The following WNT7B variants were observed in gnomAD, a reference collection of about 807,000 sequenced individuals.
WNT7B encodes Wnt family member 7B.
In WNT7B, 19 loss-of-function variants were observed where a neutral mutation model predicts 38.2. The ratio of observed to expected loss-of-function variants is 0.50; its 90% CI spans 0.35 to 0.73. The LOEUF (loss-of-function observed/expected upper bound fraction) is 0.73. Among genes scored for constraint, WNT7B ranks in the 30% least tolerant of loss-of-function variants. The pLI is 0.01. For synonymous variants in WNT7B, 243 were observed against 209.3 expected, an observed-to-expected ratio of 1.16 and a Z score of -1.39; for missense variants, 423 against 507.9, an observed-to-expected ratio of 0.83 and a Z score of 1.61.
At chr22:45,924,333 A>G (rs1252048962) in intron 3 of WNT7B, among the ~76,000 whole-genome samples, 2 of 152,194 alleles carry the variant, frequency 1.3e-5, no homozygotes, top group African/African-American at 2.4e-5. Flanking sequence ...GAATGAGTAC[A>G]AGAAAAAGAG....
chr22:45,942,301 T>TG (rs1931669116), intron 2 of WNT7B, among the ~76,000 whole-genome samples: 1 of 152,186 alleles, frequency 6.6e-6, no homozygotes, highest in South Asian at 2.1e-4. Context: ...AGGGCCCAGG[T>TG]GGGGCCCCAC....
chr22:45,954,687 G>T, intron 1 of WNT7B: 1 of 985,358 alleles, frequency 1.0e-6, no homozygotes, highest in Non-Finnish European at 1.2e-6. Flanking sequence ...TTTGTGCCAG[G>T]AGTATAAATA....
At chr22:45,948,333 G>A (rs919755877) in intron 2 of WNT7B, among the ~76,000 whole-genome samples, 49 of 152,310 alleles carry the variant, frequency 3.2e-4, no homozygotes, top group African/African-American at 1.2e-3. Flanking sequence ...ACTGCACTTG[G>A]GTGGTGGGGC....
rs1930977083 is a variant in WNT7B at position 45,923,104 on chromosome 22, G to A, written c.802C>T (p.Leu268=). Residue 268 remains leucine (L), a synonymous_variant, in exon 4 of 4, where the codon CTG becomes TTG. Transcript: ENST00000339464. ...RSYQKPMETD[L]VYIEKSPNYC... The stretch of plus-strand genomic sequence containing the variant: ...TTGGGCGACTTCTCAATGTACACCA[G>A]GTCTGTCTCCATGGGCTTCTGATAG... 3 of 1,613,590 alleles carry A rather than the reference G, an allele frequency of 1.9e-6. No individual in the cohort carries two copies. Among genetic ancestry groups the A allele is most frequent in the South Asian group, 2.2e-5 (2 of 91,096 alleles).
Position 45,977,016 on chromosome 22 carries a change from G to T in WNT7B, c.-262C>A, listed in dbSNP as rs2055406334. Reference sequence around the variant, plus strand: ...CTCGAAGCCCGGTTGAGCGACCGTGGACCCCTGCAAGCGCGGGCCGGGGGC... The same window carrying T: ...CTCGAAGCCCGGTTGAGCGACCGTGTACCCCTGCAAGCGCGGGCCGGGGGC... On this transcript the variant is annotated 5_prime_UTR_variant, in exon 1 of 4. Transcript: ENST00000339464. The T allele has an allele frequency of 2.0e-6, 2 of 985,502 alleles. No individual in the cohort carries two copies. The highest frequency in any genetic ancestry group is 4.7e-5 in the South Asian group (1 of 21,392). The allele number at this position is 985,502 out of a possible 1,614,324, so 61.0% of individuals were successfully genotyped here.
intron 3 of WNT7B, among the ~76,000 whole-genome samples, chr22:45,928,377 G>A (rs1020762034): frequency 2.4e-4 from 37 of 152,320 alleles, no homozygotes; most frequent in African/African-American, 7.9e-4. Context: ...CTCAGACCAC[G>A]CTTGTGCCCC....
At chr22:45,943,624 G>T (rs919690439) in intron 2 of WNT7B, among the ~76,000 whole-genome samples, 1 of 152,224 alleles carries the variant, frequency 6.6e-6, no homozygotes, top group Admixed American at 6.5e-5. Flanking sequence ...TCAGCACCTG[G>T]ATCCTGGCGG....
chr22:45,956,301 A>G (rs927558256), intron 1 of WNT7B, among the ~76,000 whole-genome samples: 1 of 152,226 alleles, frequency 6.6e-6, no homozygotes, highest in African/African-American at 2.4e-5. Flanking sequence ...TGGCGTCCAC[A>G]GCACGGGCCG....
intron 2 of WNT7B, among the ~76,000 whole-genome samples, chr22:45,932,423 C>A (rs1160337568): frequency 1.3e-5 from 2 of 152,132 alleles, no homozygotes; most frequent in Non-Finnish European, 2.9e-5. Flanking sequence ...CAGACCCCCC[C>A]CGCCAGAAGG....
chr22:45,972,116 G>GGGGGGGGGCCCCCCCCCC, intron 1 of WNT7B: 5 of 530,734 alleles, frequency 9.4e-6, no homozygotes, highest in Non-Finnish European at 9.9e-6. Context: ...CCCGGGGGGA[G>GGGGGGGGGCCCCCCCCCC]CCCACCCGCC....
chr22:45,948,908 C>T (rs114223748), intron 2 of WNT7B, among the ~76,000 whole-genome samples: 3,757 of 144,260 alleles, frequency 0.026, 157 homozygotes, highest in African/African-American at 0.09. Context: ...ACAATGGTGC[C>T]ATCTCGGCTC....
At chr22:45,936,470 C>A (rs1178973581) in intron 2 of WNT7B, among the ~76,000 whole-genome samples, 2 of 152,272 alleles carry the variant, frequency 1.3e-5, no homozygotes, top group East Asian at 3.8e-4. Context: ...CCCTGCCCAG[C>A]TGTCCCCTCA....
chr22:45,947,334 T>A (rs1931819848), intron 2 of WNT7B, among the ~76,000 whole-genome samples: 1 of 152,122 alleles, frequency 6.6e-6, no homozygotes, highest in Non-Finnish European at 1.5e-5. Flanking sequence ...CTAGGGCTGG[T>A]GTGGGCAGGA....
Position 45,951,500 on chromosome 22 carries a change from T to TA in WNT7B, c.72-1355dup, listed in dbSNP as rs1240005965. Among the ~76,000 whole-genome samples, 17 of 152,074 alleles carry TA rather than the reference T, an allele frequency of 1.1e-4. No individual in the cohort carries two copies. Among genetic ancestry groups the TA allele is most frequent in the African/African-American group, 3.6e-4 (15 of 41,508 alleles). ...CCTCCAGCACCGTCAGGTTCCCAGA[T>TA]ATTTCTGCCACCCCAGAAGGAAACT... On this transcript the variant is annotated intron_variant, in intron 1 of 3. Transcript: ENST00000339464. The surrounding 1 kb of genome is among the most constrained non-coding windows in gnomAD (Gnocchi z 4.8).
At chr22:45,932,827 G>A (rs766755480) in intron 2 of WNT7B, among the ~76,000 whole-genome samples, 2 of 152,212 alleles carry the variant, frequency 1.3e-5, no homozygotes, top group African/African-American at 4.8e-5. Context: ...GGCAGCTGGA[G>A]ACTCACACTG....
chr22:45,922,871 G>C lies in WNT7B; in HGVS notation c.1035C>G (p.Val345=). The C allele has an allele frequency of 6.3e-7, 1 of 1,597,824 alleles. No homozygotes were observed. The highest frequency in any genetic ancestry group is 1.1e-5 in the South Asian group (1 of 90,572). ...GGGCCTGGCCTCACTTGCAGGTGAA[G>C]ACCTCGGTGCGCTCGCTGCAGGTGT... ...KCNTCSERTE[V]FTCK is the part of the protein sequence containing the mutation. Residue 345 remains valine (V), a synonymous_variant, in exon 4 of 4, where the codon GTC becomes GTG. Transcript: ENST00000339464.
intron 3 of WNT7B, among the ~76,000 whole-genome samples, chr22:45,930,147 G>T (rs141010954): frequency 6.6e-6 from 1 of 152,218 alleles, no homozygotes; most frequent in Non-Finnish European, 1.5e-5. Context: ...AGCCCTCACC[G>T]TCCTGGGTGT....
intron 1 of WNT7B, chr22:45,972,304 C>CGGGGTCCCCGCG (rs1420661960): frequency 3.8e-6 from 2 of 520,802 alleles, no homozygotes; most frequent in African/African-American, 4.1e-5. Flanking sequence ...CAGCTGAGGC[C>CGGGGTCCCCGCG]GGGGTCCCCG....
At chr22:45,948,206 G>A (rs1931842897) in intron 2 of WNT7B, among the ~76,000 whole-genome samples, 1 of 152,234 alleles carries the variant, frequency 6.6e-6, no homozygotes, top group South Asian at 2.1e-4. Flanking sequence ...CCAGCTCAGC[G>A]CTGAGGGGCC....
Sources: allele counts gnomAD v4.1 joint callset (sites outside exome capture counted in the v4.1 genomes callset), GRCh38; gene constraint gnomAD v4.1.1; non-coding constraint Gnocchi (gnomAD v3.1); transcripts MANE v1.5; gene names NCBI Gene and HGNC (gene_info 2026-07-23, HGNC 2026-07-21).